MECOM: variants seen among roughly 807,000 people sequenced by gnomAD.
MECOM encodes histone-lysine N-methyltransferase MECOM.
MECOM carries 13 observed loss-of-function variants against 116.3 expected under a neutral mutation model. The observed-to-expected ratio is 0.11, with a 90% CI of 0.07 to 0.18. The LOEUF is 0.18. MECOM is among the 10% of genes least tolerant of loss of function. The pLI is 1.00. For missense variants in MECOM, 1,299 were observed against 1,509.0 expected (o/e 0.86, Z 2.31); for synonymous variants, 528 against 535.2 (o/e 0.99, Z 0.19).
chr3:169,648,618 T>G (rs1251470212), intron 1 of MECOM, among the ~76,000 whole-genome samples: 1 of 152,266 alleles, frequency 6.6e-6, no homozygotes, highest in Non-Finnish European at 1.5e-5. Flanking sequence ...CCAAGCCTAG[T>G]GGCTGGAACA....
At chr3:169,148,747 C>T (rs1560282038) in intron 2 of MECOM, among the ~76,000 whole-genome samples, 1 of 151,930 alleles carries the variant, frequency 6.6e-6, no homozygotes, top group African/African-American at 2.4e-5. Flanking sequence ...CGTGTAAATC[C>T]AGTAGAACTA....
chr3:169,600,664 A>G (rs1767731212), intron 1 of MECOM, among the ~76,000 whole-genome samples: 2 of 152,196 alleles, frequency 1.3e-5, no homozygotes, highest in African/African-American at 4.8e-5. Context: ...AGGAGTTTAC[A>G]AGTTGAATGT....
In MECOM at chr3:169,154,499, C is replaced by G. The variant is rs80142868; in HGVS notation, c.376-10667G>C. ...TGCCTAATTTGGATGCCTGTTACCT[C>G]TAGTCTGAATTATTGCAATGATCTC... On this transcript the variant is annotated intron_variant, in intron 2 of 16. Coordinates refer to ENST00000651503, the MANE Select transcript of MECOM (RefSeq NM_004991.4). Among the ~76,000 whole-genome samples the G allele has an allele frequency of 1.6e-3, 245 of 152,252 alleles. 1 individual carries two copies. Among genetic ancestry groups the G allele is most frequent in the African/African-American group, 5.6e-3 (234 of 41,552 alleles).
intron 1 of MECOM, among the ~76,000 whole-genome samples, chr3:169,439,245 G>A (rs1743207998): frequency 6.8e-6 from 1 of 146,110 alleles, no homozygotes; most frequent in Admixed American, 6.9e-5. Flanking sequence ...TGTTCATTTA[G>A]AGATAGCATA....
At chr3:169,453,501 C>T (rs183109558) in intron 1 of MECOM, among the ~76,000 whole-genome samples, 220 of 152,306 alleles carry the variant, frequency 1.4e-3, no homozygotes, top group African/African-American at 4.7e-3. Context: ...GCATTAGGGA[C>T]ATTTTTTTCT....
intron 2 of MECOM, among the ~76,000 whole-genome samples, chr3:169,157,998 G>A (rs983382810): frequency 6.6e-6 from 1 of 152,078 alleles, no homozygotes; most frequent in African/African-American, 2.4e-5. Flanking sequence ...ATGACTACAG[G>A]TTTAACATTT....
chr3:169,631,064 T>G (rs902729552), intron 1 of MECOM, among the ~76,000 whole-genome samples: 4 of 152,242 alleles, frequency 2.6e-5, no homozygotes, highest in African/African-American at 7.2e-5. Context: ...TGCAGGCAGC[T>G]CTGCAGTGGT....
chr3:169,148,688 G>C (rs1204658304), intron 2 of MECOM, among the ~76,000 whole-genome samples: 2 of 152,062 alleles, frequency 1.3e-5, no homozygotes, highest in East Asian at 3.9e-4. Context: ...GCTGCAAACG[G>C]GATAACACAA....
intron 2 of MECOM, among the ~76,000 whole-genome samples, chr3:169,203,337 T>C (rs1225667492): frequency 6.6e-6 from 1 of 152,158 alleles, no homozygotes; most frequent in African/African-American, 2.4e-5. Context: ...AAGAACGTGG[T>C]ATTTATGTTT....
chr3:169,641,897 A>G (rs1176952170), intron 1 of MECOM, among the ~76,000 whole-genome samples: 1 of 152,236 alleles, frequency 6.6e-6, no homozygotes, highest in African/African-American at 2.4e-5. Context: ...TGGAATGGAG[A>G]AGAAGGTCCA....
intron 1 of MECOM, among the ~76,000 whole-genome samples, chr3:169,478,156 T>C (rs1750766486): frequency 6.6e-6 from 1 of 152,210 alleles, no homozygotes; most frequent in Non-Finnish European, 1.5e-5. Flanking sequence ...AGACATCCAA[T>C]GGCTCTGAAA....
chr3:169,357,226 T>C (rs1470611472), intron 2 of MECOM, among the ~76,000 whole-genome samples: 1 of 151,890 alleles, frequency 6.6e-6, no homozygotes, highest in Non-Finnish European at 1.5e-5. Flanking sequence ...CCTTAAAATG[T>C]GGCTAACATT....
chr3:169,582,987 C>T (rs1215546772), intron 1 of MECOM, among the ~76,000 whole-genome samples: 1 of 152,152 alleles, frequency 6.6e-6, no homozygotes, highest in Non-Finnish European at 1.5e-5. Flanking sequence ...TACAGATATA[C>T]ACACATAGAA....
At chr3:169,441,267 G>A (rs561940806) in intron 1 of MECOM, among the ~76,000 whole-genome samples, 32 of 152,056 alleles carry the variant, frequency 2.1e-4, no homozygotes, top group Non-Finnish European at 4.0e-4. Flanking sequence ...AGATATTCAC[G>A]TTTCTGTGCT....
intron 2 of MECOM, among the ~76,000 whole-genome samples, chr3:169,245,742 G>A (rs975970903): frequency 5.3e-5 from 8 of 152,086 alleles, no homozygotes; most frequent in East Asian, 1.9e-4. Context: ...CAAATTCTAC[G>A]CAGTACAGAG....
intron 2 of MECOM, among the ~76,000 whole-genome samples, chr3:169,304,209 A>T (rs1045492630): frequency 6.6e-6 from 1 of 152,244 alleles, no homozygotes; most frequent in African/African-American, 2.4e-5. Flanking sequence ...GACAGCCTTG[A>T]TATTTTAAAA....
At chr3:169,586,474 T>C (rs1161342304) in intron 1 of MECOM, among the ~76,000 whole-genome samples, 1 of 152,220 alleles carries the variant, frequency 6.6e-6, no homozygotes. Flanking sequence ...TTTACCAACA[T>C]TAATTTTCAC....
At chr3:169,126,100 A>C (rs1398669177) in intron 5 of MECOM, among the ~76,000 whole-genome samples, 1 of 152,098 alleles carries the variant, frequency 6.6e-6, no homozygotes, top group African/African-American at 2.4e-5. Flanking sequence ...AAATGTTGAG[A>C]ATTCATGCAA....
At chr3:169,462,363 G>A (rs2108743892) in intron 1 of MECOM, among the ~76,000 whole-genome samples, 1 of 152,294 alleles carries the variant, frequency 6.6e-6, no homozygotes, top group East Asian at 1.9e-4. Context: ...ACAGCCAGAT[G>A]TTTTTACTTA....
Sources: allele counts gnomAD v4.1 joint callset (sites outside exome capture counted in the v4.1 genomes callset), GRCh38; gene constraint gnomAD v4.1.1; transcripts MANE v1.5; gene names NCBI Gene and HGNC (gene_info 2026-07-23, HGNC 2026-07-21).